RANBP3: variants seen among roughly 807,000 people sequenced by gnomAD.
The protein encoded by RANBP3 is RAN binding protein 3.
In RANBP3, 14 loss-of-function variants were observed where a neutral mutation model predicts 77.3. The observed-to-expected ratio is 0.18, with a 90% CI of 0.12 to 0.28. The LOEUF (loss-of-function observed/expected upper bound fraction) is 0.28, where lower values mean the gene tolerates loss of function less well. Among genes scored for constraint, RANBP3 ranks in the 10% least tolerant of loss-of-function variants. The pLI is 1.00. For synonymous variants in RANBP3, 315 were observed against 312.4 expected (o/e 1.01, Z -0.09); for missense variants, 586 against 752.3 (o/e 0.78, Z 2.59).
intron 3 of RANBP3, 48 bp from the exon 4 acceptor site, chr19:5,941,883 G>A (rs746981760): frequency 1.2e-6 from 2 of 1,608,620 alleles, no homozygotes; most frequent in African/African-American, 2.7e-5. Flanking sequence ...CAGGCTCACG[G>A]CAGCCGAGCA....
At position 5,917,606 on chromosome 19, in the gene RANBP3, G is replaced by A. The variant is rs996195875; in HGVS notation, c.*4C>T. 1 of 1,597,844 alleles carries A rather than the reference G, an allele frequency of 6.3e-7. No homozygotes were observed. Among genetic ancestry groups the A allele is most frequent in the Non-Finnish European group, 8.5e-7 (1 of 1,175,986 alleles). ...AGCCTGGTGTGCAGCCGGGCTCCCG[G>A]CCGCTATGTGCTCCCGGTCGTCTGC... On this transcript the variant is annotated 3_prime_UTR_variant, in exon 17 of 17. Transcript: ENST00000340578.
Position 5,943,279 on chromosome 19 carries a change from C to T in RANBP3, c.283-1444G>A, listed in dbSNP as rs533851480. On this transcript the variant is annotated intron_variant, in intron 3 of 16. Transcript: ENST00000340578. ...CTGCTGGGGCTTAGGGGAGGTGATG[C>T]ATGTGAAAGTGCTTTGCAAACTGCA... Among the ~76,000 whole-genome samples the T allele has an allele frequency of 2.0e-5, 3 of 152,286 alleles. No homozygotes were observed. The South Asian group carries it at 6.2e-4, about 32-fold the overall frequency.
At chr19:5,948,460 A>AG (rs2145172186) in intron 3 of RANBP3, among the ~76,000 whole-genome samples, 1 of 152,208 alleles carries the variant, frequency 6.6e-6, no homozygotes, top group Admixed American at 6.5e-5. Context: ...GTCAAAAAAA[A>AG]AAAAAAAAGA....
chr19:5,918,360 G>T, intron 15 of RANBP3, 136 bp downstream of exon 15: 2 of 968,524 alleles, frequency 2.1e-6, no homozygotes, highest in African/African-American at 1.7e-5. Context: ...GTCCCATAGT[G>T]CTTCTTGTGT....
intron 5 of RANBP3, among the ~76,000 whole-genome samples, chr19:5,938,806 A>T (rs1599748750): frequency 6.6e-6 from 1 of 152,360 alleles, no homozygotes; most frequent in East Asian, 1.9e-4. Context: ...CCAACTTCAC[A>T]GGCGTTACCT....
Position 5,951,492 on chromosome 19 carries a change from A to G in RANBP3, c.183T>C (p.His61=), listed in dbSNP as rs761095616. The G allele has an allele frequency of 1.4e-5, 22 of 1,611,088 alleles. No individual in the cohort carries two copies. The highest frequency in any genetic ancestry group is 1.7e-4 in the Middle Eastern group (1 of 6,036). Residue 61 remains histidine (H), a synonymous_variant, in exon 3 of 17, where the codon CAT becomes CAC. Transcript: ENST00000340578. ...CAGCAGGGGCAGGAGGTTCTAGGGC[A>G]TGCTCGCCAGCTGACTCGGGGTGAC... ...GTGHPESAGE[H]ALEPPAPAGA...
chr19:5,932,798 C>T (rs1008712295), intron 6 of RANBP3: 17 of 490,302 alleles, frequency 3.5e-5, no homozygotes, highest in South Asian at 3.1e-4. Flanking sequence ...AGTAACGTGG[C>T]GGGGCGCCGG....
intron 2 of RANBP3, 136 bp downstream of exon 2, chr19:5,957,782 G>C: frequency 3.4e-6 from 3 of 882,624 alleles, no homozygotes; most frequent in South Asian, 3.0e-5. Context: ...CAACGTGAAA[G>C]TGTAAAGGCC....
chr19:5,946,649 C>T (rs1382298939), intron 3 of RANBP3, among the ~76,000 whole-genome samples: 3 of 152,160 alleles, frequency 2.0e-5, no homozygotes, highest in Admixed American at 1.3e-4. Context: ...CGTGAGGTGC[C>T]GCCTGCCCTC....
chr19:5,971,068 G>C (rs1054333725), intron 1 of RANBP3, among the ~76,000 whole-genome samples: 1 of 152,122 alleles, frequency 6.6e-6, no homozygotes, highest in Non-Finnish European at 1.5e-5. Flanking sequence ...TCCTGGTCTC[G>C]GGACCCTTTT....
At chr19:5,951,328 GA>G in intron 3 of RANBP3, 64 bp downstream of exon 3, 3 of 1,430,292 alleles carry the variant, frequency 2.1e-6, no homozygotes, top group East Asian at 5.0e-5. Flanking sequence ...GACCCGAAGG[GA>G]AAGTGGCTGG....
At chr19:5,923,401 CAA>C in intron 12 of RANBP3, 98 bp from the exon 13 acceptor site, 1 of 1,238,038 alleles carries the variant, frequency 8.1e-7, no homozygotes, top group Non-Finnish European at 1.2e-6. Flanking sequence ...GTTCTGGTCT[CAA>C]GGACGCCTGC....
rs1480985191 is a variant in RANBP3 at position 5,958,859 on chromosome 19, G to GC, written c.23-887dup. On this transcript the variant is annotated intron_variant, in intron 1 of 16. Transcript: ENST00000340578. The surrounding 1 kb of genome is among the most constrained non-coding windows in gnomAD (Gnocchi z 4.4). ...ACTGAGGGCCTAGCGTGGAGGCCAAGCAAGAGCAGCTGTGACTCTGGTGAA... is the reference window on the plus strand; with the variant it reads ...ACTGAGGGCCTAGCGTGGAGGCCAAGCCAAGAGCAGCTGTGACTCTGGTGAA... 6.6e-6 allele frequency among the ~76,000 whole-genome samples: 1 copy of GC among 152,286 alleles called. No homozygotes were observed. Among genetic ancestry groups the GC allele is most frequent in the Non-Finnish European group, 1.5e-5 (1 of 68,054 alleles).
At chr19:5,932,145 T>TCC (rs1447502838) in intron 7 of RANBP3, among the ~76,000 whole-genome samples, 1 of 152,168 alleles carries the variant, frequency 6.6e-6, no homozygotes. Flanking sequence ...TAAATCTCAT[T>TCC]CCCAGGAGCC....
rs369961700 is a variant in RANBP3, at chr19:5,928,106, A to T, written c.694-19T>A. On this transcript the variant is annotated intron_variant, in intron 8 of 16. Coordinates refer to ENST00000340578, the MANE Select transcript of RANBP3 (RefSeq NM_007322.3). ...CTTTCTCCTATCAAAAACCAAAACA[A>T]AACAGAGTAATCAAAACCAGTGCCA... 5.0e-6 allele frequency: 8 copies of T among 1,604,324 alleles called. No homozygotes were observed. In the African/African-American group the frequency reaches 1.1e-4, roughly 22 times the overall value.
chr19:5,935,797 A>G (rs1362056784), intron 5 of RANBP3: 6 of 456,618 alleles, frequency 1.3e-5, no homozygotes, highest in Non-Finnish European at 4.4e-6. Context: ...CTGCTCCACG[A>G]AAACAAGGGT....
Position 5,952,812 on chromosome 19 carries a change from C to T in RANBP3, c.79-1216G>A, listed in dbSNP as rs375580743. On this transcript the variant is annotated intron_variant, in intron 2 of 16. Transcript: ENST00000340578. The surrounding 1 kb of genome is among the most constrained non-coding windows in gnomAD (Gnocchi z 4.1). ...TCAAAAGTAATCAAGGGGACACTGT[C>T]GCCTCTTCGTATCCAGGGCAGAGCC... is the stretch of plus-strand genomic sequence containing the variant. Among the ~76,000 whole-genome samples the T allele has an allele frequency of 5.9e-5, 9 of 152,306 alleles. No homozygotes were observed. The highest frequency in any genetic ancestry group is 1.9e-4 in the East Asian group (1 of 5,176).
intron 2 of RANBP3, among the ~76,000 whole-genome samples, chr19:5,953,839 A>G (rs2058303354): frequency 6.6e-6 from 1 of 152,210 alleles, no homozygotes; most frequent in Non-Finnish European, 1.5e-5. Flanking sequence ...CTGTGCTGCC[A>G]ATCTGACCAT....
intron 3 of RANBP3, among the ~76,000 whole-genome samples, chr19:5,947,496 T>C (rs1033742914): frequency 2.0e-5 from 3 of 152,030 alleles, no homozygotes; most frequent in African/African-American, 7.3e-5. Context: ...GCGCAGGGCT[T>C]CAGGATGACA....
Sources: gnomAD v4.1 joint callset for allele counts (sites outside exome capture counted in the v4.1 genomes callset) on GRCh38, gnomAD v4.1.1 for gene constraint, Gnocchi (gnomAD v3.1) non-coding constraint, MANE v1.5 for transcripts, NCBI Gene and HGNC (gene_info 2026-07-23, HGNC 2026-07-21) for gene names.